Variants in ATP6V0B observed in about 807,000 individuals in gnomAD.
The protein encoded by ATP6V0B is V-type proton ATPase 21 kDa proteolipid subunit c''.
Under a neutral mutation model 26.2 loss-of-function variants are expected in ATP6V0B, and 4 were observed. The ratio of observed to expected loss-of-function variants is 0.15; its 90% CI spans 0.08 to 0.35. The LOEUF is 0.35. Among genes scored for constraint, ATP6V0B ranks in the 10% least tolerant of loss-of-function variants. The pLI, the probability that ATP6V0B is intolerant of heterozygous loss-of-function variation, is 1.00. For synonymous variants in ATP6V0B, 110 were observed against 105.8 expected (o/e 1.04, Z -0.24); for missense variants, 175 against 272.5 (o/e 0.64, Z 2.52).
intron 1 of ATP6V0B, 63 bp from the exon 2 acceptor site, chr1:43,975,737 A>G: frequency 1.9e-6 from 3 of 1,574,296 alleles, no homozygotes; most frequent in Non-Finnish European, 1.7e-6. Flanking sequence ...CAGCTACTTT[A>G]GGTTGAAGAA....
intron 1 of ATP6V0B, 129 bp downstream of exon 1, chr1:43,975,236 G>C (rs974530849): frequency 5.1e-6 from 6 of 1,169,256 alleles, no homozygotes. Flanking sequence ...CTGGGGACTT[G>C]CGCCTGCGAG....
chr1:43,975,483 G>A (rs1325028747), intron 1 of ATP6V0B: 6 of 548,062 alleles, frequency 1.1e-5, no homozygotes, highest in Non-Finnish European at 1.6e-5. Flanking sequence ...ACAGCTTGTT[G>A]GGTAAACAGC....
At chr1:43,975,331 C>T (rs900314187) in intron 1 of ATP6V0B, 11 of 606,806 alleles carry the variant, frequency 1.8e-5, no homozygotes, top group African/African-American at 3.9e-5. Flanking sequence ...GGGCAGCACT[C>T]CCCCGTCCTG....
intron 7 of ATP6V0B, chr1:43,977,474 CCT>C: frequency 7.0e-7 from 1 of 1,431,086 alleles, no homozygotes; most frequent in Middle Eastern, 1.8e-4. Flanking sequence ...CTTAGTCCTC[CCT>C]CTTTCTGTTC....
rs932800773 is a variant in ATP6V0B at position 43,976,451 on chromosome 1, T to C, written c.278+72T>C. On this transcript the variant is annotated intron_variant, in intron 4 of 7. Transcript: ENST00000472174. This position sits in a 1 kb window ranked among gnomAD's most constrained non-coding sequence, Gnocchi z 4.6. ...CGCTGCCTGTGTGTTTGATCTGACA[T>C]ACTGTTTCTGACAAGCCACCTTGTG... 4.5e-6 allele frequency: 7 copies of C among 1,551,720 alleles called. No individual in the cohort carries two copies. The African/African-American group carries it at 8.2e-5, about 18-fold the overall frequency.
intron 7 of ATP6V0B, chr1:43,977,693 G>C (rs2085537973): frequency 7.0e-7 from 1 of 1,427,962 alleles, no homozygotes; most frequent in Admixed American, 2.9e-5. Flanking sequence ...GTGAGTTTGT[G>C]ACTAAGGATC....
chr1:43,977,616 CCT>C (rs1353820028), intron 7 of ATP6V0B: 1 of 1,419,012 alleles, frequency 7.0e-7, no homozygotes, highest in Non-Finnish European at 9.1e-7. Context: ...TGTGTATCTC[CCT>C]CTCACATGCC....
chr1:43,975,055 A>G lies in ATP6V0B; in HGVS notation c.15A>G (p.Ala5=). The change falls in exon 1 of 8, where the codon GCA becomes GCG. Residue 5 remains alanine (A), a synonymous_variant. Transcript: ENST00000472174. Reference sequence around the variant, plus strand: ...CCGTCGCCGCCATGACGGGGCTAGCACTGCTCTACTCCGGGGTCTTCGTGG... The same window carrying G: ...CCGTCGCCGCCATGACGGGGCTAGCGCTGCTCTACTCCGGGGTCTTCGTGG... The part of the protein sequence containing the change: MTGL[A]LLYSGVFVAF... The G allele has an allele frequency of 7.3e-7, 1 of 1,374,124 alleles. No homozygotes were observed. Among genetic ancestry groups the G allele is most frequent in the Non-Finnish European group, 9.4e-7 (1 of 1,065,718 alleles). The allele number at this position is 1,374,124 out of a possible 1,614,324, so 85.1% of individuals were successfully genotyped here.
At chr1:43,977,675 G>T in intron 7 of ATP6V0B, 1 of 1,427,220 alleles carries the variant, frequency 7.0e-7, no homozygotes. Context: ...TAGTCTGTCT[G>T]ACAGTGTGTG....
rs139540839 is a variant in ATP6V0B at position 43,977,961 on chromosome 1, C to A, written c.592-20C>A. 0.011 allele frequency: 17,022 copies of A among 1,614,154 alleles called. 122 individuals are homozygous for A. Among genetic ancestry groups the A allele is most frequent in the Non-Finnish European group, 0.013 (14,777 of 1,180,010 alleles). Reference sequence around the variant, plus strand: ...CTATTCCTCTGTCCCTGCCTGATTTCTCCTGTTCTTTTTTTGCAGACCTCC... The same window carrying A: ...CTATTCCTCTGTCCCTGCCTGATTTATCCTGTTCTTTTTTTGCAGACCTCC... On this transcript the variant is annotated intron_variant, in intron 7 of 7. Transcript: ENST00000472174.
chr1:43,976,384 G>A lies in ATP6V0B; in HGVS notation c.278+5G>A. 2 of 1,610,082 alleles carry A rather than the reference G, an allele frequency of 1.2e-6. No homozygotes were observed. Among genetic ancestry groups the A allele is most frequent in the South Asian group, 1.1e-5 (1 of 90,890 alleles). On this transcript the variant is annotated splice_donor_5th_base_variant and intron_variant, in intron 4 of 7. Coordinates refer to ENST00000472174, the MANE Select transcript of ATP6V0B (RefSeq NM_004047.5). This position sits in a 1 kb window ranked among gnomAD's most constrained non-coding sequence, Gnocchi z 4.6. ...CAAGACCAAGAACCTGGTCAGGTAAGTGTCAGGGTCCTTGGACTTTTGTCA... is the reference window on the plus strand; with the variant it reads ...CAAGACCAAGAACCTGGTCAGGTAAATGTCAGGGTCCTTGGACTTTTGTCA...
In ATP6V0B at chr1:43,978,070, G is replaced by A. The variant is rs1360391771; in HGVS notation, c.*63G>A. On this transcript the variant is annotated 3_prime_UTR_variant, in exon 8 of 8. Transcript: ENST00000472174. ...TATTGCTGGTTTTCCTGGGACAGCT[G>A]GAGCTGTGTCCCTTAGCCTTTCAGA... 6.2e-7 allele frequency: 1 copy of A among 1,608,050 alleles called. No homozygotes were observed. Among genetic ancestry groups the A allele is most frequent in the Non-Finnish European group, 8.5e-7 (1 of 1,174,684 alleles).
At chr1:43,975,699 C>T (rs184259875) in intron 1 of ATP6V0B, 101 bp from the exon 2 acceptor site, 2 of 1,371,076 alleles carry the variant, frequency 1.5e-6, no homozygotes, top group Non-Finnish European at 1.0e-6. Context: ...TGAGGACGCC[C>T]CTTCAGGGAG....
At position 43,975,793 on chromosome 1, in the gene ATP6V0B, G is replaced by A. The variant is rs777233263; in HGVS notation, c.68-7G>A. The stretch of plus-strand genomic sequence containing the variant: ...CGTAACCCCCTTTTTCTCCCTCACT[G>A]CTGCAGGAGTCTGCTACACCATTTT... On this transcript the variant is annotated splice_region_variant and splice_polypyrimidine_tract_variant and intron_variant, in intron 1 of 7. Transcript: ENST00000472174. The A allele has an allele frequency of 1.3e-6, 2 of 1,594,838 alleles. No homozygotes were observed. The highest frequency in any genetic ancestry group is 1.7e-6 in the Non-Finnish European group (2 of 1,169,358).
At chr1:43,977,564 A>G (rs939882133) in intron 7 of ATP6V0B, 7 of 1,425,482 alleles carry the variant, frequency 4.9e-6, no homozygotes, top group African/African-American at 1.4e-5. Flanking sequence ...TTGTCTGTCT[A>G]TATCAGTCTG....
At chr1:43,977,591 T>C (rs1363896296) in intron 7 of ATP6V0B, 2 of 1,421,360 alleles carry the variant, frequency 1.4e-6, no homozygotes, top group Admixed American at 3.1e-5. Flanking sequence ...TGTGTTTGAC[T>C]GTCTCTCGGA....
chr1:43,976,233 G>T lies in ATP6V0B; in HGVS notation c.200+60G>T. 1.2e-6 allele frequency: 2 copies of T among 1,609,446 alleles called. No homozygotes were observed. The highest frequency in any genetic ancestry group is 1.7e-6 in the Non-Finnish European group (2 of 1,175,836). On this transcript the variant is annotated intron_variant, in intron 3 of 7. Coordinates refer to ENST00000472174, the MANE Select transcript of ATP6V0B (RefSeq NM_004047.5). This position sits in a 1 kb window ranked among gnomAD's most constrained non-coding sequence, Gnocchi z 4.6. ...CTGAGTCATGGCAGGTGGTGTCACTGGGGTCTTAGGCATGCTGAGGGCAGT... is the reference window on the plus strand; with the variant it reads ...CTGAGTCATGGCAGGTGGTGTCACTTGGGTCTTAGGCATGCTGAGGGCAGT...
In ATP6V0B at chr1:43,976,880, C is replaced by T; in HGVS notation, c.400+56C>T. On this transcript the variant is annotated intron_variant, in intron 6 of 7. Coordinates refer to ENST00000472174, the MANE Select transcript of ATP6V0B (RefSeq NM_004047.5). The surrounding 1 kb of genome is among the most constrained non-coding windows in gnomAD (Gnocchi z 4.6). Reference sequence around the variant, plus strand: ...CTGGGACTTCATGCCTGCTTCCACTCTCCCCCATCCCAGCTTGGGCCATCA... The same window carrying T: ...CTGGGACTTCATGCCTGCTTCCACTTTCCCCCATCCCAGCTTGGGCCATCA... 3.7e-6 allele frequency: 6 copies of T among 1,607,286 alleles called. No individual in the cohort carries two copies. The highest frequency in any genetic ancestry group is 5.1e-6 in the Non-Finnish European group (6 of 1,174,110).
chr1:43,976,270 C>T lies in ATP6V0B; in HGVS notation c.201-32C>T. The stretch of plus-strand genomic sequence containing the variant: ...ATGCTGAGGGCAGTGACAGCTTGGG[C>T]TCTGCTCATCAGTTTTTTATCCTTC... On this transcript the variant is annotated intron_variant, in intron 3 of 7. Transcript: ENST00000472174. This position sits in a 1 kb window ranked among gnomAD's most constrained non-coding sequence, Gnocchi z 4.6. The T allele has an allele frequency of 6.2e-7, 1 of 1,611,842 alleles. No individual in the cohort carries two copies. The highest frequency in any genetic ancestry group is 1.7e-5 in the Admixed American group (1 of 59,992).
Sources: allele counts gnomAD v4.1 joint callset, GRCh38; gene constraint gnomAD v4.1.1; non-coding constraint Gnocchi (gnomAD v3.1); transcripts MANE v1.5; gene names NCBI Gene and HGNC (gene_info 2026-07-23, HGNC 2026-07-21).